GARRE1: variants seen among roughly 807,000 people sequenced by gnomAD.
The protein encoded by GARRE1 is granule associated Rac and RHOG effector 1.
Under a neutral mutation model 103.2 loss-of-function variants are expected in GARRE1, and 49 were observed. That is an observed-to-expected ratio of 0.47 (90% CI 0.38 to 0.60). The LOEUF (loss-of-function observed/expected upper bound fraction) is 0.60. GARRE1 is among the 20% of genes least tolerant of loss of function. The pLI is 0.00. For missense variants in GARRE1, 1,199 were observed against 1,370.5 expected (o/e 0.87, Z 1.98); for synonymous variants, 505 against 532.8 (o/e 0.95, Z 0.72).
chr19:34,310,723 G>A (rs2074032367), intron 2 of GARRE1, among the ~76,000 whole-genome samples: 2 of 152,182 alleles, frequency 1.3e-5, no homozygotes, highest in East Asian at 3.9e-4. Flanking sequence ...ACTGGCACTA[G>A]GTGTGATGAG....
At chr19:34,351,457 C>A in intron 12 of GARRE1, 57 bp from the exon 13 acceptor site, 2 of 1,340,608 alleles carry the variant, frequency 1.5e-6, no homozygotes, top group Non-Finnish European at 2.1e-6. Flanking sequence ...GTGTACCCTA[C>A]AGGTGGGCTG....
At chr19:34,328,898 G>A (rs890227338) in intron 6 of GARRE1, among the ~76,000 whole-genome samples, 3 of 152,104 alleles carry the variant, frequency 2.0e-5, no homozygotes, top group African/African-American at 7.2e-5. Flanking sequence ...ATGAGCCACC[G>A]ACCTGGGCCT....
chr19:34,260,663 G>T (rs1370434781), intron 1 of GARRE1, among the ~76,000 whole-genome samples: 1 of 152,182 alleles, frequency 6.6e-6, no homozygotes, highest in African/African-American at 2.4e-5. Flanking sequence ...TGAAGTATTT[G>T]TTGAAGGAAT....
intron 1 of GARRE1, among the ~76,000 whole-genome samples, chr19:34,262,287 C>CCTTTTTTTTTTT (rs2073723062): frequency 2.8e-5 from 1 of 35,750 alleles, no homozygotes; most frequent in African/African-American, 1.1e-4. Flanking sequence ...CCAGCTGCTG[C>CCTTTTTTTTTTT]TTTTTTTTTT....
chr19:34,302,389 G>C (rs1266353437), intron 2 of GARRE1, among the ~76,000 whole-genome samples: 1 of 141,822 alleles, frequency 7.1e-6, no homozygotes, highest in Non-Finnish European at 1.5e-5. Context: ...CGCCTCCCAG[G>C]TTCAAGCAAT....
Position 34,352,848 on chromosome 19 carries a change from A to ACGCCCC in GARRE1, c.3107_3108insGCCCCC (p.Pro1037_Pro1038dup). The ACGCCCC allele has an allele frequency of 9.4e-6, 15 of 1,591,592 alleles. No individual in the cohort carries two copies. The highest frequency in any genetic ancestry group is 1.2e-5 in the Non-Finnish European group (14 of 1,166,580). ...TGCCGCTGCCTTCTCCTATGTGCAG[A>ACGCCCC]CCCCACCCCAGCCCCCACCCCCACC... On this transcript the variant is annotated inframe_insertion, in exon 14 of 14. Transcript: ENST00000299505.
At chr19:34,301,056 T>A in intron 2 of GARRE1, 88 bp downstream of exon 2, 1 of 1,351,882 alleles carries the variant, frequency 7.4e-7, no homozygotes, top group Non-Finnish European at 1.0e-6. Flanking sequence ...TCCAAATCAC[T>A]GTAATAGTAG....
intron 1 of GARRE1, among the ~76,000 whole-genome samples, chr19:34,296,849 G>T (rs1232826820): frequency 6.6e-6 from 1 of 152,002 alleles, no homozygotes; most frequent in Non-Finnish European, 1.5e-5. Context: ...TTGCAGTGTT[G>T]CCCAGGCTGC....
chr19:34,340,006 G>GT lies in GARRE1; in HGVS notation c.1487+17dup. On this transcript the variant is annotated intron_variant, in intron 9 of 13. Transcript: ENST00000299505. ...GAGGGCTGGAAGGTTGGTGTCTGTG[G>GT]TTTGCATTAGATGCATACCGAGGGA... 6.2e-7 allele frequency: 1 copy of GT among 1,614,102 alleles called. No individual in the cohort carries two copies. The highest frequency in any genetic ancestry group is 8.5e-7 in the Non-Finnish European group (1 of 1,179,990).
intron 3 of GARRE1, among the ~76,000 whole-genome samples, chr19:34,322,172 A>C (rs761158382): frequency 6.6e-6 from 1 of 152,158 alleles, no homozygotes; most frequent in Non-Finnish European, 1.5e-5. Flanking sequence ...GCCTATAATC[A>C]GTGACATTTC....
intron 1 of GARRE1, among the ~76,000 whole-genome samples, chr19:34,297,053 G>A (rs1357585560): frequency 6.6e-6 from 1 of 152,208 alleles, no homozygotes; most frequent in East Asian, 1.9e-4. Flanking sequence ...TTGGGAGGCC[G>A]AGGTGGGTGG....
At chr19:34,327,336 T>C in intron 3 of GARRE1, 85 bp from the exon 4 acceptor site, 1 of 1,252,146 alleles carries the variant, frequency 8.0e-7, no homozygotes, top group Admixed American at 2.0e-5. Flanking sequence ...CTTGAGGGGG[T>C]TTTTCTTGTT....
intron 1 of GARRE1, among the ~76,000 whole-genome samples, chr19:34,293,741 CACAT>C (rs1291051695): frequency 3.0e-5 from 4 of 134,176 alleles, no homozygotes; most frequent in African/African-American, 5.9e-5. Flanking sequence ...CACACACACA[CACAT>C]ATTTCTTTTT....
intron 2 of GARRE1, among the ~76,000 whole-genome samples, chr19:34,307,792 T>TAA (rs148017219): frequency 6.1e-4 from 67 of 109,072 alleles, no homozygotes; most frequent in Admixed American, 3.1e-3. Context: ...ATATATACTA[T>TAA]AAAAAAAAAA....
In GARRE1 at chr19:34,339,945, C is replaced by T. The variant is rs761283498; in HGVS notation, c.1440C>T (p.Asp480=). Residue 480 remains aspartate (D), a synonymous_variant, in exon 9 of 14, where the codon GAC becomes GAT. Transcript: ENST00000299505. ...CTGAGAAGACCCTGGGTCTAGTGGACGTGCTCTACACAGCTGTGCTGGACC... is the reference window on the plus strand; with the variant it reads ...CTGAGAAGACCCTGGGTCTAGTGGATGTGCTCTACACAGCTGTGCTGGACC... ...LDPEKTLGLV[D]VLYTAVLDLN... 8.1e-6 allele frequency: 13 copies of T among 1,614,024 alleles called. No homozygotes were observed. The highest frequency in any genetic ancestry group is 2.7e-5 in the African/African-American group (2 of 74,906).
intron 2 of GARRE1, among the ~76,000 whole-genome samples, chr19:34,315,224 A>G (rs2074054515): frequency 1.3e-5 from 2 of 152,340 alleles, no homozygotes; most frequent in South Asian, 2.1e-4. Context: ...AATTATTTGT[A>G]TTGATGTGAA....
In GARRE1 at chr19:34,352,887, G is replaced by A. The variant is rs756536143; in HGVS notation, c.3145G>A (p.Ala1049Thr). ...CCCACCCCCACCAGCACACAAGGCA[G>A]CACCCAAGGGCTTCAAGGCCTTCCC... is the stretch of plus-strand genomic sequence containing the variant. ...QPPPPPAHKA[A>T]PKGFKAFPGK... The change falls in exon 14 of 14, where the codon GCA (alanine) becomes ACA (threonine). Residue 1049 changes from alanine to threonine, a missense_variant. Coordinates refer to ENST00000299505, the MANE Select transcript of GARRE1 (RefSeq NM_014686.5). 17 of 1,493,196 alleles carry A rather than the reference G, an allele frequency of 1.1e-5. No individual in the cohort carries two copies. The highest frequency in any genetic ancestry group is 1.6e-5 in the Non-Finnish European group (17 of 1,096,068). 92.5% of individuals were successfully genotyped at this position (1,493,196 alleles called of 1,614,324 possible).
At chr19:34,264,120 G>C (rs2073736721) in intron 1 of GARRE1, among the ~76,000 whole-genome samples, 1 of 152,186 alleles carries the variant, frequency 6.6e-6, no homozygotes, top group African/African-American at 2.4e-5. Context: ...CTCTGTCTCT[G>C]ATGCTCCCAG....
In GARRE1 at chr19:34,349,108, C is replaced by T. The variant is rs1477544543; in HGVS notation, c.2780C>T (p.Ser927Phe). Residue 927 changes from serine (S) to phenylalanine (F), a missense_variant, in exon 12 of 14, where the codon TCC becomes TTC. Coordinates refer to ENST00000299505, the MANE Select transcript of GARRE1 (RefSeq NM_014686.5). The stretch of plus-strand genomic sequence containing the variant: ...TCAGCCAACGGGGACAGCTTGTTCT[C>T]CATGTTTTCAGGGCCTGACCTCGTT... ...TSSANGDSLF[S>F]MFSGPDLVAA... is the part of the protein sequence containing the mutation. 1.9e-6 allele frequency: 3 copies of T among 1,612,782 alleles called. No homozygotes were observed. Among genetic ancestry groups the T allele is most frequent in the African/African-American group, 2.7e-5 (2 of 74,890 alleles).
Sources: gnomAD v4.1 joint callset for allele counts (sites outside exome capture counted in the v4.1 genomes callset) on GRCh38, gnomAD v4.1.1 for gene constraint, MANE v1.5 for transcripts, NCBI Gene and HGNC (gene_info 2026-07-23, HGNC 2026-07-21) for gene names.